NAALADL2: variants seen among roughly 807,000 people sequenced by gnomAD.
NAALADL2 encodes the protein inactive N-acetylated-alpha-linked acidic dipeptidase-like protein 2.
In NAALADL2, 76 loss-of-function variants were observed where a neutral mutation model predicts 87.2. The ratio of observed to expected loss-of-function variants is 0.87; its 90% CI spans 0.72 to 1.05. The LOEUF is 1.05. Among genes scored for constraint, NAALADL2 ranks in the 50% least tolerant of loss-of-function variants. NAALADL2 has a pLI of 0.00. For missense variants in NAALADL2, 1,089 were observed against 945.8 expected (o/e 1.15, Z -1.99); for synonymous variants, 354 against 331.0 (o/e 1.07, Z -0.75).
At chr3:175,541,439 A>G (rs1181676846) in intron 9 of NAALADL2, among the ~76,000 whole-genome samples, 2 of 152,210 alleles carry the variant, frequency 1.3e-5, no homozygotes, top group Non-Finnish European at 2.9e-5. Context: ...AGGCAAAAGC[A>G]TCTAACACAA....
At chr3:175,459,010 CCA>C (rs1455538936) in intron 6 of NAALADL2, among the ~76,000 whole-genome samples, 9 of 152,008 alleles carry the variant, frequency 5.9e-5, no homozygotes, top group East Asian at 5.8e-4. Context: ...ACACATGTGC[CCA>C]CACACACACC....
At chr3:174,628,191 T>C (rs1043925897) in intron 2 of NAALADL2, among the ~76,000 whole-genome samples, 1 of 152,118 alleles carries the variant, frequency 6.6e-6, no homozygotes, top group Non-Finnish European at 1.5e-5. Context: ...AGATGATCTA[T>C]TTCTGGCCGG....
At chr3:175,352,100 T>C (rs1763837468) in intron 5 of NAALADL2, among the ~76,000 whole-genome samples, 1 of 151,730 alleles carries the variant, frequency 6.6e-6, no homozygotes. Flanking sequence ...AGGCTCTCTG[T>C]GGATTTCAGG....
At chr3:175,013,222 T>C in intron 1 of NAALADL2, among the ~76,000 whole-genome samples, 1 of 118,368 alleles carries the variant, frequency 8.4e-6, no homozygotes, top group Non-Finnish European at 1.7e-5. Context: ...TATATTTATA[T>C]ATAAATATAA....
rs543938233 is a variant in NAALADL2 at position 175,608,439 on chromosome 3, G to A, written c.1801-18852G>A. 5.3e-5 allele frequency among the ~76,000 whole-genome samples: 8 copies of A among 151,472 alleles called. No individual in the cohort carries two copies. In the South Asian group the frequency reaches 8.4e-4, roughly 16 times the overall value. On this transcript the variant is annotated intron_variant, in intron 10 of 13. Coordinates refer to ENST00000454872, the MANE Select transcript of NAALADL2 (RefSeq NM_207015.3). ...CTGCACAATATGTTCCGTGTCCAGC[G>A]CTTTATTTATTGAACAGGAAATCCA...
intron 9 of NAALADL2, among the ~76,000 whole-genome samples, chr3:175,494,573 G>A (rs78683099): frequency 4.9e-4 from 75 of 152,186 alleles, no homozygotes; most frequent in African/African-American, 1.7e-3. Context: ...TCATCTCAGA[G>A]TATAGCATAA....
intron 6 of NAALADL2, among the ~76,000 whole-genome samples, chr3:175,448,824 C>A (rs530060106): frequency 6.6e-6 from 1 of 151,840 alleles, no homozygotes; most frequent in Non-Finnish European, 1.5e-5. Context: ...ATTCTCCTAC[C>A]TCAGCCTCCC....
intron 4 of NAALADL2, among the ~76,000 whole-genome samples, chr3:175,285,326 A>C (rs1754850628): frequency 6.6e-6 from 1 of 152,208 alleles, no homozygotes; most frequent in African/African-American, 2.4e-5. Flanking sequence ...AGAATACTTC[A>C]TAATAGAAAA....
chr3:175,525,492 C>T (rs79492272), intron 9 of NAALADL2, among the ~76,000 whole-genome samples: 2,666 of 152,148 alleles, frequency 0.018, 67 homozygotes, highest in African/African-American at 0.06. Flanking sequence ...ACACATTTAA[C>T]GATCAAAGCA....
intron 1 of NAALADL2, among the ~76,000 whole-genome samples, chr3:174,956,329 T>C (rs928594410): frequency 6.6e-5 from 10 of 152,042 alleles, no homozygotes; most frequent in Admixed American, 6.6e-4. Context: ...TGGTTTTTAT[T>C]TGGCAGAATG....
At chr3:175,738,403 A>G (rs1744805171) in intron 12 of NAALADL2, among the ~76,000 whole-genome samples, 1 of 152,030 alleles carries the variant, frequency 6.6e-6, no homozygotes, top group South Asian at 2.1e-4. Flanking sequence ...ACATGCCACC[A>G]CACCCGGCTA....
intron 11 of NAALADL2, among the ~76,000 whole-genome samples, chr3:175,656,639 A>G (rs1211847165): frequency 1.3e-5 from 2 of 152,164 alleles, no homozygotes; most frequent in Non-Finnish European, 2.9e-5. Flanking sequence ...TAAGTGGAAC[A>G]TGCCTAACTG....
intron 4 of NAALADL2, among the ~76,000 whole-genome samples, chr3:175,278,306 T>C (rs1753859696): frequency 6.6e-6 from 1 of 152,164 alleles, no homozygotes; most frequent in Admixed American, 6.5e-5. Context: ...AAATTATATG[T>C]TAAATGAGTT....
At chr3:175,598,819 T>G (rs886527065) in intron 10 of NAALADL2, among the ~76,000 whole-genome samples, 2 of 151,270 alleles carry the variant, frequency 1.3e-5, no homozygotes, top group Non-Finnish European at 2.9e-5. Context: ...TCTAACAGCC[T>G]TTGGTAATGC....
intron 1 of NAALADL2, among the ~76,000 whole-genome samples, chr3:175,004,539 ATT>A (rs34777112): frequency 6.6e-6 from 1 of 151,704 alleles, no homozygotes; most frequent in African/African-American, 2.4e-5. Flanking sequence ...ATTTTTTCTT[ATT>A]TTTTATTGGT....
chr3:174,734,140 T>G (rs1402746365), intron 2 of NAALADL2, among the ~76,000 whole-genome samples: 29 of 152,176 alleles, frequency 1.9e-4, no homozygotes, highest in Admixed American at 1.9e-3. Flanking sequence ...ATTAATTTCT[T>G]GCATACCCTT....
intron 2 of NAALADL2, among the ~76,000 whole-genome samples, chr3:175,170,337 A>G (rs1419239088): frequency 6.6e-6 from 1 of 150,696 alleles, no homozygotes; most frequent in Non-Finnish European, 1.5e-5. Flanking sequence ...ATAGACATAT[A>G]TGAATTTCTT....
chr3:174,839,261 C>T (rs191532639), intron 3 of NAALADL2, among the ~76,000 whole-genome samples: 22 of 152,180 alleles, frequency 1.4e-4, no homozygotes, highest in African/African-American at 4.8e-4. Context: ...CCCTATTCAA[C>T]AAATGGTACT....
chr3:175,423,761 A>C (rs1463798551), intron 5 of NAALADL2, among the ~76,000 whole-genome samples: 1 of 152,190 alleles, frequency 6.6e-6, no homozygotes, highest in Non-Finnish European at 1.5e-5. Context: ...CATGATTTAT[A>C]ATCCTTTGGG....
Sources: allele counts gnomAD v4.1 joint callset (sites outside exome capture counted in the v4.1 genomes callset), GRCh38; gene constraint gnomAD v4.1.1; transcripts MANE v1.5; gene names NCBI Gene and HGNC (gene_info 2026-07-23, HGNC 2026-07-21).